The following DGKB variants were observed in gnomAD, a reference collection of about 807,000 sequenced individuals.
The protein encoded by DGKB is diacylglycerol kinase beta, also known as 90 kDa diacylglycerol kinase.
Under a neutral mutation model 114.3 loss-of-function variants are expected in DGKB, and 67 were observed. The ratio of observed to expected loss-of-function variants is 0.59; its 90% confidence interval spans 0.48 to 0.72. The LOEUF (loss-of-function observed/expected upper bound fraction) is 0.72. Among genes scored for constraint, DGKB ranks in the 30% least tolerant of loss-of-function variants. The probability of loss-of-function intolerance (pLI) is 0.00; values close to 1 mark genes in which losing one functional copy is unlikely to be tolerated. For missense variants in DGKB, 907 were observed against 975.2 expected, an observed-to-expected ratio of 0.93 and a Z score of 0.93; for synonymous variants, 398 against 323.1, an observed-to-expected ratio of 1.23 and a Z score of -2.49.
At chr7:14,957,548 T>C (rs1041204563) in intron 1 of DGKB, among the ~76,000 whole-genome samples, 1 of 152,062 alleles carries the variant, frequency 6.6e-6, no homozygotes, top group African/African-American at 2.4e-5. Context: ...TGAATATATT[T>C]CCTGAGGCTA....
At chr7:14,843,202 G>C (rs1243476870) in intron 1 of DGKB, among the ~76,000 whole-genome samples, 1 of 141,888 alleles carries the variant, frequency 7.0e-6, no homozygotes, top group Non-Finnish European at 1.5e-5. Context: ...GGGCAACAGA[G>C]CAAGATTCTG....
intron 1 of DGKB, among the ~76,000 whole-genome samples, chr7:14,920,470 G>C (rs1304012934): frequency 6.6e-6 from 1 of 152,170 alleles, no homozygotes; most frequent in African/African-American, 2.4e-5. Flanking sequence ...TTATTAGAAT[G>C]TCTATAATCC....
At chr7:14,870,166 C>T (rs1448725185) in intron 1 of DGKB, among the ~76,000 whole-genome samples, 1 of 152,090 alleles carries the variant, frequency 6.6e-6, no homozygotes, top group Non-Finnish European at 1.5e-5. Flanking sequence ...TCTCACCTAA[C>T]ACCCAGGCCC....
chr7:14,309,885 AAG>A (rs1199050512), intron 23 of DGKB, among the ~76,000 whole-genome samples: 1 of 152,212 alleles, frequency 6.6e-6, no homozygotes, highest in Non-Finnish European at 1.5e-5. Context: ...TATGTAGCCT[AAG>A]GGGCTCTGAC....
intron 1 of DGKB, among the ~76,000 whole-genome samples, chr7:14,851,550 T>C (rs1849353766): frequency 6.6e-6 from 1 of 152,186 alleles, no homozygotes; most frequent in Admixed American, 6.5e-5. Context: ...ATACGATACC[T>C]TTCATCTCAC....
chr7:14,962,144 T>C (rs1786883880), intron 1 of DGKB, among the ~76,000 whole-genome samples: 1 of 152,196 alleles, frequency 6.6e-6, no homozygotes, highest in South Asian at 2.1e-4. Flanking sequence ...ATCAGTTTAA[T>C]TCATTATGTA....
At chr7:14,723,559 G>C (rs1182825347) in intron 5 of DGKB, among the ~76,000 whole-genome samples, 3 of 149,578 alleles carry the variant, frequency 2.0e-5, no homozygotes, top group East Asian at 3.9e-4. Flanking sequence ...ATGTGTGTGT[G>C]TGTATATATA....
At chr7:14,820,789 A>G (rs916349486) in intron 2 of DGKB, among the ~76,000 whole-genome samples, 1 of 152,160 alleles carries the variant, frequency 6.6e-6, no homozygotes, top group Non-Finnish European at 1.5e-5. Context: ...GTTAACCCAA[A>G]ATTAACATAG....
At chr7:14,453,532 C>G (rs28503673) in intron 21 of DGKB, among the ~76,000 whole-genome samples, 5,593 of 152,162 alleles carry the variant, frequency 0.037, 318 homozygotes, top group African/African-American at 0.12. Flanking sequence ...TCCTTAAGTT[C>G]CCCATTCACT....
At chr7:14,248,344 G>C (rs1257419338) in intron 23 of DGKB, among the ~76,000 whole-genome samples, 1 of 151,984 alleles carries the variant, frequency 6.6e-6, no homozygotes, top group African/African-American at 2.4e-5. Context: ...GTCTTTTGTT[G>C]TTCCATATAA....
At chr7:14,555,242 T>A (rs1795712925) in intron 20 of DGKB, among the ~76,000 whole-genome samples, 2 of 152,210 alleles carry the variant, frequency 1.3e-5, no homozygotes, top group African/African-American at 4.8e-5. Flanking sequence ...TACTTCAACA[T>A]CTAACAAATA....
At chr7:14,213,888 T>C (rs1788536745) in intron 23 of DGKB, among the ~76,000 whole-genome samples, 1 of 152,134 alleles carries the variant, frequency 6.6e-6, no homozygotes, top group Non-Finnish European at 1.5e-5. Flanking sequence ...TTTCTTTTTT[T>C]CCAAATAAAA....
chr7:14,546,760 T>C (rs1794354879), intron 20 of DGKB, among the ~76,000 whole-genome samples: 1 of 152,176 alleles, frequency 6.6e-6, no homozygotes, highest in Non-Finnish European at 1.5e-5. Flanking sequence ...ACAAGTGATA[T>C]GGCATTAATG....
intron 21 of DGKB, among the ~76,000 whole-genome samples, chr7:14,424,548 T>C (rs1370048200): frequency 6.6e-6 from 1 of 152,128 alleles, no homozygotes; most frequent in East Asian, 1.9e-4. Flanking sequence ...TTCTGCTAAA[T>C]GTATTATATC....
chr7:14,214,613 A>G (rs895127310), intron 23 of DGKB, among the ~76,000 whole-genome samples: 2 of 152,136 alleles, frequency 1.3e-5, no homozygotes, highest in Admixed American at 6.6e-5. Flanking sequence ...TCTATTAATT[A>G]GAAAAAATAA....
chr7:14,258,782 T>C (rs887304505), intron 23 of DGKB, among the ~76,000 whole-genome samples: 1 of 152,162 alleles, frequency 6.6e-6, no homozygotes, highest in Non-Finnish European at 1.5e-5. Context: ...ATAAATGGAA[T>C]AGTAATCATA....
chr7:14,493,351 C>A (rs1183784965), intron 20 of DGKB, among the ~76,000 whole-genome samples: 1 of 151,884 alleles, frequency 6.6e-6, no homozygotes, highest in Non-Finnish European at 1.5e-5. Context: ...TATGTACATA[C>A]CTATGATAAA....
chr7:14,572,640 T>C (rs1798570491), intron 20 of DGKB, among the ~76,000 whole-genome samples: 1 of 152,084 alleles, frequency 6.6e-6, no homozygotes, highest in African/African-American at 2.4e-5. Context: ...CATTAATATC[T>C]AAAGATTGGA....
At chr7:14,796,946 A>G (rs921132408) in intron 2 of DGKB, among the ~76,000 whole-genome samples, 1 of 152,152 alleles carries the variant, frequency 6.6e-6, no homozygotes, top group Non-Finnish European at 1.5e-5. Context: ...TTTAAAGGCA[A>G]AATTACTCAC....
Sources: gnomAD v4.1 joint callset for allele counts (sites outside exome capture counted in the v4.1 genomes callset) on GRCh38, gnomAD v4.1.1 for gene constraint, MANE v1.5 for transcripts, NCBI Gene and HGNC (gene_info 2026-07-23, HGNC 2026-07-21) for gene names.